The following GAN variants were observed in gnomAD, a reference collection of about 807,000 sequenced individuals.
GAN encodes the protein epididymis secretory sperm binding protein.
GAN carries 48 observed loss-of-function variants against 71.3 expected under a neutral mutation model. The observed-to-expected ratio is 0.67, with a 90% CI of 0.53 to 0.86. The LOEUF (loss-of-function observed/expected upper bound fraction) is 0.86. Ranked by LOEUF, GAN falls within the 40% of genes least tolerant of loss-of-function variation. The pLI, the probability that GAN is intolerant of heterozygous loss-of-function variation, is 0.00. For missense variants in GAN, 928 were observed against 770.1 expected (o/e 1.21, Z -2.43); for synonymous variants, 386 against 276.8 (o/e 1.39, Z -3.92).
chr16:81,344,964 AAAG>A (rs1318991303), intron 1 of GAN, among the ~76,000 whole-genome samples: 2 of 152,218 alleles, frequency 1.3e-5, no homozygotes, highest in Admixed American at 6.5e-5. Flanking sequence ...TCACTTCTCA[AAAG>A]AAGACATTTA....
chr16:81,365,170 C>G, intron 8 of GAN, 60 bp downstream of exon 8: 2 of 1,586,534 alleles, frequency 1.3e-6, no homozygotes, highest in Non-Finnish European at 1.7e-6. Context: ...TCTGGAGCCC[C>G]TTACCCTGCC....
chr16:81,364,067 C>T, intron 7 of GAN, 124 bp downstream of exon 7: 1 of 827,064 alleles, frequency 1.2e-6, no homozygotes, highest in Non-Finnish European at 2.1e-6. Flanking sequence ...CTTTATAGAA[C>T]TCTCTTTATC....
rs1377383635 is a variant in GAN at position 81,386,728 on chromosome 16, C to T, written c.*9132C>T. Reference sequence around the variant, plus strand: ...TTGGGAGGCCAAGGCGGGCAGATCACCTGAGGTCGGCAGTTTGAGACCAGC... The same window carrying T: ...TTGGGAGGCCAAGGCGGGCAGATCATCTGAGGTCGGCAGTTTGAGACCAGC... On this transcript the variant is annotated 3_prime_UTR_variant, in exon 11 of 11. Transcript: ENST00000648994. 2.0e-5 allele frequency: 3 copies of T among 152,278 alleles called. No homozygotes were observed. Among genetic ancestry groups the T allele is most frequent in the African/African-American group, 7.2e-5 (3 of 41,454 alleles). 9.4% of individuals were successfully genotyped at this position (152,278 alleles called of 1,614,324 possible).
At chr16:81,351,776 T>G in intron 2 of GAN, 79 bp downstream of exon 2, 1 of 782,078 alleles carries the variant, frequency 1.3e-6, no homozygotes, top group Non-Finnish European at 2.4e-6. Context: ...TCATCCATTA[T>G]ATGACAAAGT....
intron 9 of GAN, among the ~76,000 whole-genome samples, chr16:81,376,814 C>G (rs1254099532): frequency 6.6e-6 from 1 of 152,024 alleles, no homozygotes; most frequent in Non-Finnish European, 1.5e-5. Flanking sequence ...TAGGTTGAGG[C>G]TGCAGTGAAC....
At chr16:81,326,129 C>T (rs1909377976) in intron 1 of GAN, among the ~76,000 whole-genome samples, 2 of 152,144 alleles carry the variant, frequency 1.3e-5, no homozygotes, top group Admixed American at 1.3e-4. Context: ...GTGTGGAAAA[C>T]CAGTAGACAT....
rs893219499 is a variant in GAN at position 81,383,826 on chromosome 16, C to T, written c.*6230C>T. The stretch of plus-strand genomic sequence containing the variant: ...ACGAGTAGACACTGAATAGGATCCA[C>T]GTAAATGAACGGCCATTTCAAATCA... On this transcript the variant is annotated 3_prime_UTR_variant, in exon 11 of 11. Coordinates refer to ENST00000648994, the MANE Select transcript of GAN (RefSeq NM_022041.4). The T allele has an allele frequency of 7.2e-5, 11 of 152,208 alleles. No individual in the cohort carries two copies. Among genetic ancestry groups the T allele is most frequent in the Non-Finnish European group, 1.3e-4 (9 of 68,016 alleles). The allele number at this position is 152,208 out of a possible 1,614,324, so 9.4% of individuals were successfully genotyped here. A position where few individuals can be genotyped will look rare whatever the true frequency, so the allele number is the denominator to read the frequency against.
intron 2 of GAN, among the ~76,000 whole-genome samples, chr16:81,353,977 A>G (rs1567491194): frequency 6.6e-6 from 1 of 152,196 alleles, no homozygotes. Context: ...ATTTAGCGGA[A>G]GAGTGAACTT....
At chr16:81,374,706 A>G (rs1437918641) in intron 9 of GAN, among the ~76,000 whole-genome samples, 1 of 152,028 alleles carries the variant, frequency 6.6e-6, no homozygotes, top group Non-Finnish European at 1.5e-5. Context: ...ACACACCCCC[A>G]TCCTTTTTTA....
rs922396288 is a variant in GAN, at chr16:81,338,697, T to A, written c.168-12886T>A. Among the ~76,000 whole-genome samples, 30 of 152,194 alleles carry A rather than the reference T, an allele frequency of 2.0e-4. 1 individual carries two copies. Among genetic ancestry groups the A allele is most frequent in the Admixed American group, 1.2e-3 (18 of 15,286 alleles). On this transcript the variant is annotated intron_variant, in intron 1 of 10. Coordinates refer to ENST00000648994, the MANE Select transcript of GAN (RefSeq NM_022041.4). ...ACAATAAGGGAGAATAAGACAAGTT[T>A]GTGTAGTTACTAAATTAGAAAGGAA...
At chr16:81,330,804 A>G (rs763390071) in intron 1 of GAN, among the ~76,000 whole-genome samples, 12 of 152,260 alleles carry the variant, frequency 7.9e-5, no homozygotes, top group African/African-American at 1.2e-4. Flanking sequence ...ACCTTAACCA[A>G]GTGACCAAGG....
In GAN at chr16:81,381,589, A is replaced by G. The variant is rs1468783505; in HGVS notation, c.*3993A>G. ...CATGTCTGATGAGCACCCACTAGGA[A>G]CTGTGCTTGCCATCCTGGGAGCTGA... On this transcript the variant is annotated 3_prime_UTR_variant, in exon 11 of 11. Transcript: ENST00000648994. 1 of 152,274 alleles carries G rather than the reference A, an allele frequency of 6.6e-6. No homozygotes were observed. The highest frequency in any genetic ancestry group is 2.4e-5 in the African/African-American group (1 of 41,454). 9.4% of individuals were successfully genotyped at this position (152,274 alleles called of 1,614,324 possible).
Position 81,354,506 on chromosome 16 carries a change from C to T in GAN, c.384C>T (p.Cys128=). 6.2e-7 allele frequency: 1 copy of T among 1,613,786 alleles called. No homozygotes were observed. Among genetic ancestry groups the T allele is most frequent in the Non-Finnish European group, 8.5e-7 (1 of 1,179,670 alleles). Residue 128 remains cysteine, a synonymous_variant, in exon 3 of 11, where the codon TGC becomes TGT. Coordinates refer to ENST00000648994, the MANE Select transcript of GAN (RefSeq NM_022041.4). ...KTLCCEFLEG[C]IAAENCIGIR... ...TGTGCTGTGAGTTTTTGGAAGGCTGCATTGCTGCTGAGAACTGTATTGGTA... is the reference window on the plus strand; with the variant it reads ...TGTGCTGTGAGTTTTTGGAAGGCTGTATTGCTGCTGAGAACTGTATTGGTA...
At chr16:81,345,605 GC>G (rs1393028896) in intron 1 of GAN, among the ~76,000 whole-genome samples, 1 of 152,266 alleles carries the variant, frequency 6.6e-6, no homozygotes, top group East Asian at 1.9e-4. Context: ...AGGGGTGGGG[GC>G]CTAGGGGAGG....
rs199704760 is a variant in GAN at position 81,377,349 on chromosome 16, T to G, written c.1612+21T>G. 4.4e-6 allele frequency: 7 copies of G among 1,586,558 alleles called. No homozygotes were observed. In the East Asian group the frequency reaches 1.6e-4, roughly 35 times the overall value. Reference sequence around the variant, plus strand: ...TACAGGTAAGAGTGTTACAGTGATTTTCTTGGAACTGTTTCCTGGTGATTC... The same window carrying G: ...TACAGGTAAGAGTGTTACAGTGATTGTCTTGGAACTGTTTCCTGGTGATTC... On this transcript the variant is annotated intron_variant, in intron 10 of 10. Transcript: ENST00000648994.
At chr16:81,328,969 G>C (rs1385837323) in intron 1 of GAN, among the ~76,000 whole-genome samples, 1 of 152,100 alleles carries the variant, frequency 6.6e-6, no homozygotes. Flanking sequence ...GTTGTAATTT[G>C]TCACCGTTTC....
rs555248304 is a variant in GAN at position 81,377,818 on chromosome 16, A to T, written c.*222A>T. 5.0e-5 allele frequency: 29 copies of T among 582,798 alleles called. No homozygotes were observed. In the South Asian group the frequency reaches 5.4e-4, roughly 11 times the overall value. The allele number at this position is 582,798 out of a possible 1,614,324, so 36.1% of individuals were successfully genotyped here. A position where few individuals can be genotyped will look rare whatever the true frequency, so the allele number is the denominator to read the frequency against. On this transcript the variant is annotated 3_prime_UTR_variant, in exon 11 of 11. Coordinates refer to ENST00000648994, the MANE Select transcript of GAN (RefSeq NM_022041.4). ...GGGAGGAGTGAGTTCCTCCAGTTAA[A>T]TGTGGCTGTAGATGTTGGAGGCTAG...
Position 81,351,601 on chromosome 16 carries a change from T to C in GAN, c.186T>C (p.Asn62=). Residue 62 remains asparagine (N), a synonymous_variant, in exon 2 of 11, where the codon AAT becomes AAC. Transcript: ENST00000648994. ...SPYIRTKLNY[N]PPKDDGSTYK... ...TTCTTAGGACAAAGTTAAACTATAA[T>C]CCTCCAAAAGATGATGGATCAACTT... 1 of 1,481,250 alleles carries C rather than the reference T, an allele frequency of 6.8e-7. No individual in the cohort carries two copies. The allele number at this position is 1,481,250 out of a possible 1,614,324, so 91.8% of individuals were successfully genotyped here. A position where few individuals can be genotyped will look rare whatever the true frequency, so the allele number is the denominator to read the frequency against.
At chr16:81,370,029 C>A (rs1200901941) in intron 9 of GAN, among the ~76,000 whole-genome samples, 1 of 152,202 alleles carries the variant, frequency 6.6e-6, no homozygotes, top group Non-Finnish European at 1.5e-5. Context: ...GTTGACATAG[C>A]TAATGTATTT....
Sources: allele counts gnomAD v4.1 joint callset (sites outside exome capture counted in the v4.1 genomes callset), GRCh38; gene constraint gnomAD v4.1.1; transcripts MANE v1.5; gene names NCBI Gene and HGNC (gene_info 2026-07-23, HGNC 2026-07-21).